The following CRACR2A variants were observed in gnomAD, a reference collection of about 807,000 sequenced individuals.
CRACR2A encodes calcium release activated channel regulator 2A.
CRACR2A carries 79 observed loss-of-function variants against 90.5 expected under a neutral mutation model. The observed-to-expected ratio is 0.87, with a 90% CI of 0.73 to 1.05. CRACR2A has a LOEUF of 1.05. Ranked by LOEUF, CRACR2A falls within the 50% of genes least tolerant of loss-of-function variation. The pLI, the probability that CRACR2A is intolerant of heterozygous loss-of-function variation, is 0.00. For synonymous variants in CRACR2A, 338 were observed against 356.7 expected, an observed-to-expected ratio of 0.95 and a Z score of 0.59; for missense variants, 823 against 897.2, an observed-to-expected ratio of 0.92 and a Z score of 1.06.
intron 1 of CRACR2A, among the ~76,000 whole-genome samples, chr12:3,750,333 C>T (rs1946686599): frequency 6.6e-6 from 1 of 152,122 alleles, no homozygotes; most frequent in African/African-American, 2.4e-5. Flanking sequence ...GCCCAAGGGC[C>T]TGGACCCATT....
At chr12:3,640,353 C>T (rs1944542429) in intron 13 of CRACR2A, 2 of 419,320 alleles carry the variant, frequency 4.8e-6, no homozygotes, top group Admixed American at 9.1e-5. Flanking sequence ...CAGCAAAGAG[C>T]ACAGGACCTC....
At chr12:3,657,846 C>T (rs1192336135) in intron 8 of CRACR2A, among the ~76,000 whole-genome samples, 3 of 152,178 alleles carry the variant, frequency 2.0e-5, no homozygotes, top group South Asian at 4.1e-4. Flanking sequence ...TGTAGCATCA[C>T]ATCCTGGGGT....
intron 4 of CRACR2A, among the ~76,000 whole-genome samples, chr12:3,688,101 T>A (rs951965385): frequency 6.6e-6 from 1 of 152,212 alleles, no homozygotes. Context: ...CCTTTGTCAG[T>A]GCATAGTTTG....
intron 9 of CRACR2A, 25 bp from the exon 10 acceptor site, chr12:3,654,424 G>A (rs1944861993): frequency 5.8e-6 from 9 of 1,559,476 alleles, no homozygotes; most frequent in Non-Finnish European, 7.8e-6. Flanking sequence ...GGAGCAGAGG[G>A]GAATGAGGAG....
At chr12:3,677,510 C>A (rs1436732479) in intron 6 of CRACR2A, among the ~76,000 whole-genome samples, 1 of 152,230 alleles carries the variant, frequency 6.6e-6, no homozygotes, top group Non-Finnish European at 1.5e-5. Context: ...AAGGCTGCTA[C>A]CCTGCAGTGA....
chr12:3,662,022 G>C lies in CRACR2A; in HGVS notation c.672-2368C>G, dbSNP rs542406360. Among the ~76,000 whole-genome samples, 39 of 152,232 alleles carry C rather than the reference G, an allele frequency of 2.6e-4. No homozygotes were observed. In the South Asian group the frequency reaches 8.1e-3, roughly 32 times the overall value. ...TTCATGCTCACATACCAGCTTGCTG[G>C]TATGTGAATTAAGTTATTTTACAAA... On this transcript the variant is annotated intron_variant, in intron 7 of 19. Transcript: ENST00000440314.
intron 1 of CRACR2A, among the ~76,000 whole-genome samples, chr12:3,737,817 T>A (rs909084620): frequency 6.6e-6 from 1 of 152,222 alleles, no homozygotes; most frequent in Non-Finnish European, 1.5e-5. Context: ...TTCCAAGGCA[T>A]CAAGTCCTAC....
chr12:3,724,977 GA>G (rs1233120953), intron 2 of CRACR2A, among the ~76,000 whole-genome samples: 1 of 152,120 alleles, frequency 6.6e-6, no homozygotes, highest in African/African-American at 2.4e-5. Context: ...GAATGGAGAG[GA>G]ATTCATCTTT....
intron 10 of CRACR2A, among the ~76,000 whole-genome samples, chr12:3,653,633 G>A (rs933043783): frequency 3.3e-5 from 5 of 152,174 alleles, no homozygotes; most frequent in Non-Finnish European, 7.3e-5. Flanking sequence ...TGAGAGATGT[G>A]GGGTTTCCCC....
At chr12:3,616,624 G>A (rs894823059) in intron 19 of CRACR2A, among the ~76,000 whole-genome samples, 3 of 152,208 alleles carry the variant, frequency 2.0e-5, no homozygotes, top group African/African-American at 4.8e-5. Context: ...GTGCTGAGGG[G>A]CCTCTGATCT....
chr12:3,660,887 C>CACACACACACA (rs1271154180), intron 7 of CRACR2A, among the ~76,000 whole-genome samples: 4 of 118,978 alleles, frequency 3.4e-5, no homozygotes, highest in Admixed American at 1.9e-4. Flanking sequence ...CACACACACA[C>CACACACACACA]AATTTTGGCC....
chr12:3,659,748 C>G (rs1944992832), intron 7 of CRACR2A, 94 bp from the exon 8 acceptor site: 23 of 993,050 alleles, frequency 2.3e-5, no homozygotes, highest in Non-Finnish European at 3.7e-5. Context: ...AACTCTGGAG[C>G]TGTGGGTGTG....
At chr12:3,737,687 G>A (rs1946467025) in intron 1 of CRACR2A, among the ~76,000 whole-genome samples, 1 of 152,128 alleles carries the variant, frequency 6.6e-6, no homozygotes. Flanking sequence ...GTGGCCAATG[G>A]GATGTAGTAA....
intron 6 of CRACR2A, among the ~76,000 whole-genome samples, chr12:3,676,903 A>AC (rs759052768): frequency 3.3e-5 from 5 of 152,054 alleles, no homozygotes; most frequent in Non-Finnish European, 5.9e-5. Context: ...AGATTTGCAG[A>AC]CCCACCTGCT....
At chr12:3,673,794 ACAAGGCAG>A (rs1945294446) in intron 6 of CRACR2A, among the ~76,000 whole-genome samples, 2 of 152,162 alleles carry the variant, frequency 1.3e-5, no homozygotes, top group South Asian at 4.1e-4. Context: ...CAATAACCCT[ACAAGGCAG>A]GAGCTGCAAT....
intron 4 of CRACR2A, among the ~76,000 whole-genome samples, chr12:3,682,175 C>T (rs1430705577): frequency 1.3e-5 from 2 of 152,224 alleles, no homozygotes; most frequent in African/African-American, 4.8e-5. Flanking sequence ...ACATTCCAGT[C>T]CTTCCTTTGG....
intron 2 of CRACR2A, among the ~76,000 whole-genome samples, chr12:3,717,970 A>G (rs1946104859): frequency 6.6e-6 from 1 of 152,172 alleles, no homozygotes. Flanking sequence ...TCTTAAGAAC[A>G]CTAGGCTTTG....
chr12:3,645,052 G>A (rs1289529155), intron 11 of CRACR2A, among the ~76,000 whole-genome samples: 1 of 152,188 alleles, frequency 6.6e-6, no homozygotes, highest in Non-Finnish European at 1.5e-5. Context: ...TGTCTCCTGA[G>A]CACCCACTGC....
intron 2 of CRACR2A, among the ~76,000 whole-genome samples, chr12:3,724,860 A>G (rs1946237140): frequency 6.6e-5 from 10 of 152,176 alleles, no homozygotes; most frequent in Admixed American, 6.5e-4. Flanking sequence ...TCCCACTGCT[A>G]TGGAATGGAG....
Sources: gnomAD v4.1 joint callset for allele counts (sites outside exome capture counted in the v4.1 genomes callset) on GRCh38, gnomAD v4.1.1 for gene constraint, MANE v1.5 for transcripts, NCBI Gene and HGNC (gene_info 2026-07-23, HGNC 2026-07-21) for gene names.